The following KALRN variants were observed in gnomAD, a reference collection of about 807,000 sequenced individuals.
KALRN encodes the protein kalirin.
Under a neutral mutation model 353.7 loss-of-function variants are expected in KALRN, and 70 were observed. The observed-to-expected ratio is 0.20, with a 90% CI of 0.16 to 0.24. The LOEUF is 0.24. Ranked by LOEUF, KALRN falls within the 10% of genes least tolerant of loss-of-function variation. The pLI is 1.00. For synonymous variants in KALRN, 1,391 were observed against 1,434.8 expected (o/e 0.97, Z 0.69); for missense variants, 2,791 against 3,756.7 (o/e 0.74, Z 6.72).
intron 36 of KALRN, among the ~76,000 whole-genome samples, chr3:124,636,925 G>A (rs1409704499): frequency 2.0e-5 from 3 of 152,218 alleles, no homozygotes; most frequent in Admixed American, 6.5e-5. Flanking sequence ...TAGTCTGTAG[G>A]CCTCCCAGGA....
intron 6 of KALRN, among the ~76,000 whole-genome samples, chr3:124,321,418 C>G (rs2079325339): frequency 6.6e-6 from 1 of 152,198 alleles, no homozygotes; most frequent in Non-Finnish European, 1.5e-5. Context: ...GAAAATTTAG[C>G]TAAGGTTTTT....
chr3:124,333,365 A>G lies in KALRN; in HGVS notation c.1417-900A>G, dbSNP rs1467278627. Reference sequence around the variant, plus strand: ...TACGGTATGTGTGTTAACTCATTTAATCCTCACCATGACTTTATGAAATAT... The same window carrying G: ...TACGGTATGTGTGTTAACTCATTTAGTCCTCACCATGACTTTATGAAATAT... On this transcript the variant is annotated intron_variant, in intron 8 of 59. Transcript: ENST00000682506. Among the ~76,000 whole-genome samples, 5 of 152,202 alleles carry G rather than the reference A, an allele frequency of 3.3e-5. No individual in the cohort carries two copies. In the South Asian group the frequency reaches 8.3e-4, roughly 25 times the overall value.
chr3:124,403,868 A>G (rs970812771), intron 13 of KALRN, among the ~76,000 whole-genome samples: 1 of 152,236 alleles, frequency 6.6e-6, no homozygotes. Context: ...GAATTCTATG[A>G]TAGAGGCTCC....
chr3:124,264,419 T>C, intron 3 of KALRN, 79 bp from the exon 4 acceptor site: 1 of 1,244,974 alleles, frequency 8.0e-7, no homozygotes, highest in Non-Finnish European at 1.1e-6. Flanking sequence ...GGAGTGCAGG[T>C]TTCCGGGTGC....
chr3:124,144,624 TCCTCTTCCTCATCCTC>T, intron 1 of KALRN, among the ~76,000 whole-genome samples: 1 of 150,954 alleles, frequency 6.6e-6, no homozygotes, highest in Non-Finnish European at 1.5e-5. Context: ...CTCATCCTCC[TCCTCTTCCTCATCCTC>T]CTCCTCTTCC....
intron 12 of KALRN, among the ~76,000 whole-genome samples, chr3:124,397,040 C>G (rs534473553): frequency 1.3e-5 from 2 of 152,338 alleles, no homozygotes; most frequent in Admixed American, 6.5e-5. Flanking sequence ...CCTAAGGGAG[C>G]TTTTGCATCA....
chr3:124,273,950 A>G (rs1175168008), intron 5 of KALRN, among the ~76,000 whole-genome samples: 5 of 152,190 alleles, frequency 3.3e-5, no homozygotes, highest in East Asian at 1.9e-4. Context: ...CCACCCCTCC[A>G]GTTGTGGTAG....
At chr3:124,518,656 C>T (rs2066899064) in intron 33 of KALRN, 1 of 1,445,044 alleles carries the variant, frequency 6.9e-7, no homozygotes, top group South Asian at 1.5e-5. Flanking sequence ...ACCCTCGGGG[C>T]TCCCTTCTTC....
intron 1 of KALRN, among the ~76,000 whole-genome samples, chr3:124,134,304 G>A (rs1578430459): frequency 6.6e-6 from 1 of 152,092 alleles, no homozygotes; most frequent in Non-Finnish European, 1.5e-5. Context: ...TCAACAAATG[G>A]TGCTGGTATA....
Position 124,642,806 on chromosome 3 carries a change from G to GTTGTTTTTTTTTTTTTTTTTTTTTTTTT in KALRN, c.5664+5505_5664+5506insGTTTTTTTTTTTTTTTTTTTTTTTTTTT, listed in dbSNP as rs796628603. 4.6e-4 allele frequency among the ~76,000 whole-genome samples: 45 copies of GTTGTTTTTTTTTTTTTTTTTTTTTTTTT among 96,818 alleles called. 11 individuals carry two copies. In the East Asian group the frequency reaches 0.01, roughly 22 times the overall value. 63.5% of individuals were successfully genotyped at this position (96,818 alleles called of 152,430 possible). ...TCTGTGGAAGAGATTCCCAAGCCTC[G>GTTGTTTTTTTTTTTTTTTTTTTTTTTTT]TTTTTTTTTTTTTTTTTTTTGAGAC... On this transcript the variant is annotated intron_variant, in intron 37 of 59. Coordinates refer to ENST00000682506, the MANE Select transcript of KALRN (RefSeq NM_001388419.1).
chr3:124,666,942 G>A (rs2085713440), intron 46 of KALRN, 70 bp from the exon 47 acceptor site: 7 of 1,458,352 alleles, frequency 4.8e-6, no homozygotes, highest in Non-Finnish European at 6.5e-6. Context: ...AAACTTTGAG[G>A]AAGAGTAATA....
chr3:124,122,093 G>A (rs747481718), intron 1 of KALRN, among the ~76,000 whole-genome samples: 11 of 152,210 alleles, frequency 7.2e-5, no homozygotes, highest in African/African-American at 9.7e-5. Flanking sequence ...GTGCCAGAGA[G>A]TTTGGCTGCG....
At chr3:124,640,601 T>C (rs1173569297) in intron 37 of KALRN, among the ~76,000 whole-genome samples, 1 of 152,164 alleles carries the variant, frequency 6.6e-6, no homozygotes, top group Non-Finnish European at 1.5e-5. Context: ...TCTATTATTC[T>C]ATTCTAAATG....
intron 5 of KALRN, among the ~76,000 whole-genome samples, chr3:124,287,793 AT>A (rs2076060832): frequency 1.7e-4 from 3 of 17,398 alleles, no homozygotes; most frequent in Admixed American, 5.4e-4. Context: ...ATATATATAT[AT>A]ATATATATAT....
At chr3:124,333,907 A>T (rs1252180052) in intron 8 of KALRN, among the ~76,000 whole-genome samples, 1 of 152,166 alleles carries the variant, frequency 6.6e-6, no homozygotes, top group Non-Finnish European at 1.5e-5. Flanking sequence ...CAAACAAACA[A>T]ACAAAAATTT....
chr3:124,605,269 A>G (rs1244430594), intron 34 of KALRN, among the ~76,000 whole-genome samples: 2 of 151,080 alleles, frequency 1.3e-5, no homozygotes, highest in East Asian at 4.0e-4. Context: ...GTGTGTGGTT[A>G]TAGAGATAAT....
intron 1 of KALRN, chr3:124,163,965 C>A: frequency 1.0e-6 from 1 of 985,446 alleles, no homozygotes; most frequent in Non-Finnish European, 1.2e-6. Flanking sequence ...TGAATCTAAC[C>A]TTTTCTGTGG....
At chr3:124,650,973 C>A in intron 38 of KALRN, 35 bp downstream of exon 38, 1 of 1,610,772 alleles carries the variant, frequency 6.2e-7, no homozygotes, top group East Asian at 2.2e-5. Flanking sequence ...CTGTGGTGCA[C>A]ATGTGAGTGC....
intron 23 of KALRN, among the ~76,000 whole-genome samples, chr3:124,457,663 A>AT (rs1169642967): frequency 6.6e-6 from 1 of 152,114 alleles, no homozygotes; most frequent in Non-Finnish European, 1.5e-5. Flanking sequence ...GATTATTCCC[A>AT]TTTTACATAT....
Sources: allele counts gnomAD v4.1 joint callset (sites outside exome capture counted in the v4.1 genomes callset), GRCh38; gene constraint gnomAD v4.1.1; transcripts MANE v1.5; gene names NCBI Gene and HGNC (gene_info 2026-07-23, HGNC 2026-07-21).